PRMT3: variants seen among roughly 807,000 people sequenced by gnomAD.
PRMT3 encodes protein arginine N-methyltransferase 3.
PRMT3 carries 62 observed loss-of-function variants against 71.9 expected under a neutral mutation model. That is an observed-to-expected ratio of 0.86 (90% CI 0.70 to 1.07). The LOEUF (loss-of-function observed/expected upper bound fraction) is 1.07, where lower values mean the gene tolerates loss of function less well. Among genes scored for constraint, PRMT3 ranks in the 50% least tolerant of loss-of-function variants. PRMT3 has a pLI of 0.00. For missense variants in PRMT3, 663 were observed against 643.0 expected (o/e 1.03, Z -0.34); for synonymous variants, 213 against 220.4 (o/e 0.97, Z 0.30).
chr11:20,404,380 C>T (rs373244780), intron 8 of PRMT3, among the ~76,000 whole-genome samples: 5 of 151,454 alleles, frequency 3.3e-5, no homozygotes, highest in African/African-American at 1.2e-4. Context: ...ACTACAGGCA[C>T]GTGCCACCAC....
intron 15 of PRMT3, among the ~76,000 whole-genome samples, 154 bp from the exon 16 acceptor site, chr11:20,508,149 TA>T (rs11338942): frequency 0.11 from 13,916 of 122,586 alleles, 854 homozygotes; most frequent in Admixed American, 0.23. Context: ...GACTCCATCT[TA>T]AAAAAAAAAA....
chr11:20,478,545 A>T (rs759694397), intron 13 of PRMT3, among the ~76,000 whole-genome samples: 1 of 152,026 alleles, frequency 6.6e-6, no homozygotes, highest in Non-Finnish European at 1.5e-5. Flanking sequence ...AAAAAAAAAA[A>T]AAAACTACTT....
intron 10 of PRMT3, among the ~76,000 whole-genome samples, chr11:20,440,375 G>A (rs193220986): frequency 2.0e-5 from 3 of 151,948 alleles, no homozygotes; most frequent in Admixed American, 2.0e-4. Context: ...GCCGGGTGTG[G>A]TGGCTCACGC....
In PRMT3 at chr11:20,387,803, C is replaced by T; in HGVS notation, c.28+29C>T. 3 of 1,541,278 alleles carry T rather than the reference C, an allele frequency of 1.9e-6. No homozygotes were observed. Among genetic ancestry groups the T allele is most frequent in the East Asian group, 4.9e-5 (2 of 40,878 alleles). ...GGTACCCTGGCCCCTCAGCACCCGGCTCGTCCAGCCCCAGGCCGCGCCGCT... is the reference window on the plus strand; with the variant it reads ...GGTACCCTGGCCCCTCAGCACCCGGTTCGTCCAGCCCCAGGCCGCGCCGCT... On this transcript the variant is annotated intron_variant, in intron 1 of 15. Coordinates refer to ENST00000331079, the MANE Select transcript of PRMT3 (RefSeq NM_005788.4). This position sits in a 1 kb window ranked among gnomAD's most constrained non-coding sequence, Gnocchi z 4.3.
intron 13 of PRMT3, among the ~76,000 whole-genome samples, chr11:20,474,335 A>C (rs11025576): frequency 0.76 from 116,311 of 152,110 alleles, 46,410 homozygotes; most frequent in Non-Finnish European, 0.89. Flanking sequence ...TCCCCCTGGG[A>C]ATTTGGTGCT....
chr11:20,424,608 G>T (rs1179560017), intron 9 of PRMT3, among the ~76,000 whole-genome samples: 1 of 152,132 alleles, frequency 6.6e-6, no homozygotes, highest in Admixed American at 6.6e-5. Flanking sequence ...GAAGTATTTG[G>T]TGTAGGCAAA....
chr11:20,467,110 A>G (rs1223825944), intron 13 of PRMT3, among the ~76,000 whole-genome samples: 1 of 152,196 alleles, frequency 6.6e-6, no homozygotes, highest in East Asian at 1.9e-4. Context: ...AACTCACCTC[A>G]GGAAGAATGT....
chr11:20,490,882 G>GA (rs1851189735), intron 13 of PRMT3, among the ~76,000 whole-genome samples: 1 of 152,126 alleles, frequency 6.6e-6, no homozygotes, highest in South Asian at 2.1e-4. Flanking sequence ...TATTGGCAAT[G>GA]AATTTCTTTA....
intron 12 of PRMT3, among the ~76,000 whole-genome samples, chr11:20,462,924 G>A (rs11025572): frequency 0.046 from 6,993 of 151,566 alleles, 246 homozygotes; most frequent in East Asian, 0.18. Flanking sequence ...GGAGTGCAGT[G>A]GCGCAATCTC....
At chr11:20,503,204 G>T (rs1018991526) in intron 15 of PRMT3, among the ~76,000 whole-genome samples, 13 of 151,806 alleles carry the variant, frequency 8.6e-5, no homozygotes, top group African/African-American at 3.1e-4. Flanking sequence ...TTGGTGTCTG[G>T]CTTTGGTTTC....
chr11:20,387,963 GC>G lies in PRMT3; in HGVS notation c.29-51del. The stretch of plus-strand genomic sequence containing the variant: ...GAGCCCATCGTCACCTGCTCCTCGA[GC>G]CCCCGGGCCGCACCGGTGTCCGAGG... On this transcript the variant is annotated intron_variant, in intron 1 of 15. Transcript: ENST00000331079. The surrounding 1 kb of genome is among the most constrained non-coding windows in gnomAD (Gnocchi z 4.3). 6.2e-7 allele frequency: 1 copy of G among 1,609,480 alleles called. No individual in the cohort carries two copies. The highest frequency in any genetic ancestry group is 8.5e-7 in the Non-Finnish European group (1 of 1,177,630).
intron 13 of PRMT3, among the ~76,000 whole-genome samples, chr11:20,469,397 G>T (rs1224799154): frequency 6.6e-6 from 1 of 152,132 alleles, no homozygotes; most frequent in African/African-American, 2.4e-5. Flanking sequence ...CTACTTAAAG[G>T]TATAGAAAGG....
At chr11:20,471,079 T>A (rs1850633633) in intron 13 of PRMT3, among the ~76,000 whole-genome samples, 1 of 152,172 alleles carries the variant, frequency 6.6e-6, no homozygotes, top group Non-Finnish European at 1.5e-5. Flanking sequence ...GTTTTTTTTC[T>A]TGTAAATTTG....
intron 10 of PRMT3, among the ~76,000 whole-genome samples, chr11:20,451,872 G>T (rs74883424): frequency 0.01 from 1,551 of 152,224 alleles, 36 homozygotes; most frequent in African/African-American, 0.036. Flanking sequence ...AGAAAGAGTA[G>T]TCTGGAAAGT....
At chr11:20,422,549 C>T (rs1299760110) in intron 9 of PRMT3, among the ~76,000 whole-genome samples, 3 of 152,176 alleles carry the variant, frequency 2.0e-5, no homozygotes, top group Non-Finnish European at 4.4e-5. Flanking sequence ...CTATCTTCCC[C>T]TCTGCGTACT....
chr11:20,418,776 A>G (rs369042563), intron 9 of PRMT3, among the ~76,000 whole-genome samples: 35 of 152,352 alleles, frequency 2.3e-4, no homozygotes, highest in African/African-American at 7.9e-4. Context: ...AAAAAAACTC[A>G]TAAACATTTC....
chr11:20,501,495 C>T (rs1851457392), intron 15 of PRMT3, among the ~76,000 whole-genome samples: 1 of 152,094 alleles, frequency 6.6e-6, no homozygotes, highest in African/African-American at 2.4e-5. Flanking sequence ...AATATTCAAA[C>T]TTACCTTGGT....
At chr11:20,480,821 G>A (rs539893895) in intron 13 of PRMT3, among the ~76,000 whole-genome samples, 44 of 152,082 alleles carry the variant, frequency 2.9e-4, no homozygotes, top group African/African-American at 8.5e-4. Flanking sequence ...TTTCTTACAT[G>A]TACAATTTGA....
At chr11:20,473,322 A>AGGATGTCGATTT (rs2133420154) in intron 13 of PRMT3, among the ~76,000 whole-genome samples, 1 of 152,088 alleles carries the variant, frequency 6.6e-6, no homozygotes, top group East Asian at 1.9e-4. Flanking sequence ...TTGTGATGTT[A>AGGATGTCGATTT]GGATGTCGAT....
Sources: gnomAD v4.1 joint callset for allele counts (sites outside exome capture counted in the v4.1 genomes callset) on GRCh38, gnomAD v4.1.1 for gene constraint, Gnocchi (gnomAD v3.1) non-coding constraint, MANE v1.5 for transcripts, NCBI Gene and HGNC (gene_info 2026-07-23, HGNC 2026-07-21) for gene names.